Variants in CPE observed in about 807,000 individuals in gnomAD.
CPE encodes carboxypeptidase E, also known as carbocypeptidase E.
Under a neutral mutation model 53.5 loss-of-function variants are expected in CPE, and 17 were observed. The observed-to-expected ratio is 0.32, with a 90% confidence interval of 0.22 to 0.48. The LOEUF (loss-of-function observed/expected upper bound fraction) is 0.48, where lower values mean the gene tolerates loss of function less well. Ranked by LOEUF, CPE falls within the 20% of genes least tolerant of loss-of-function variation. The pLI, the probability that CPE is intolerant of heterozygous loss-of-function variation, is 0.99. For synonymous variants in CPE, 226 were observed against 228.8 expected, an observed-to-expected ratio of 0.99 and a Z score of 0.11; for missense variants, 524 against 614.7, an observed-to-expected ratio of 0.85 and a Z score of 1.56.
At chr4:165,487,704 A>C in intron 6 of CPE, 127 bp downstream of exon 6, 1 of 1,038,972 alleles carries the variant, frequency 9.6e-7, no homozygotes, top group South Asian at 1.6e-5. Flanking sequence ...TTTGGAAGGC[A>C]GGTGTCAGCA....
In CPE at chr4:165,392,348, TG is replaced by T. The variant is rs1339987988; in HGVS notation, c.307+12821del. ...ATATATGATATATGTATATGTAATA[TG>T]TAATATACATATATCATATATTTAC... On this transcript the variant is annotated intron_variant, in intron 1 of 8. Transcript: ENST00000402744. Among the ~76,000 whole-genome samples, 14 of 146,472 alleles carry T rather than the reference TG, an allele frequency of 9.6e-5. No homozygotes were observed. In the Admixed American group the frequency reaches 9.7e-4, roughly 10 times the overall value.
intron 1 of CPE, among the ~76,000 whole-genome samples, chr4:165,417,404 C>G (rs879395340): frequency 5.3e-5 from 8 of 152,162 alleles, no homozygotes; most frequent in Non-Finnish European, 1.2e-4. Context: ...GAGATTATCT[C>G]TTTTCATTCA....
At chr4:165,478,447 G>A (rs1436234213) in intron 3 of CPE, among the ~76,000 whole-genome samples, 1 of 152,186 alleles carries the variant, frequency 6.6e-6, no homozygotes, top group Non-Finnish European at 1.5e-5. Flanking sequence ...TATGATGTAA[G>A]AACTAGTAAT....
At chr4:165,397,709 C>A (rs1579242574) in intron 1 of CPE, among the ~76,000 whole-genome samples, 2 of 151,994 alleles carry the variant, frequency 1.3e-5, no homozygotes, top group African/African-American at 4.8e-5. Context: ...TTTTATAGGA[C>A]AAATAATCAT....
chr4:165,454,062 C>G (rs1166082685), intron 1 of CPE, among the ~76,000 whole-genome samples: 1 of 152,036 alleles, frequency 6.6e-6, no homozygotes, highest in Admixed American at 6.6e-5. Context: ...TGCCTATTTC[C>G]ATGGTGTAAA....
At chr4:165,478,481 C>T (rs1247461703) in intron 3 of CPE, among the ~76,000 whole-genome samples, 1 of 152,190 alleles carries the variant, frequency 6.6e-6, no homozygotes, top group Non-Finnish European at 1.5e-5. Flanking sequence ...TAGCTTCACA[C>T]AACTTTGTGT....
At chr4:165,417,096 C>T (rs1731137637) in intron 1 of CPE, among the ~76,000 whole-genome samples, 1 of 151,912 alleles carries the variant, frequency 6.6e-6, no homozygotes, top group African/African-American at 2.4e-5. Flanking sequence ...AAGAAAGAGC[C>T]ATTTTCTTAG....
rs949824849 is a variant in CPE, at chr4:165,392,497, T to A, written c.307+12969T>A. ...ACATATATCATATATTTACAATATA[T>A]GATATATTAAATATATAATATATGT... On this transcript the variant is annotated intron_variant, in intron 1 of 8. Transcript: ENST00000402744. 2.1e-5 allele frequency among the ~76,000 whole-genome samples: 3 copies of A among 145,402 alleles called. No individual in the cohort carries two copies. The East Asian group carries it at 5.9e-4, about 28-fold the overall frequency.
chr4:165,481,677 A>C (rs1236185039), intron 3 of CPE, among the ~76,000 whole-genome samples: 2 of 152,168 alleles, frequency 1.3e-5, no homozygotes. Flanking sequence ...TAAGATGACC[A>C]TTCCAAAGTA....
intron 1 of CPE, among the ~76,000 whole-genome samples, chr4:165,393,553 GC>G (rs1730717637): frequency 6.6e-6 from 1 of 152,142 alleles, no homozygotes; most frequent in Non-Finnish European, 1.5e-5. Flanking sequence ...TAAACAACCT[GC>G]CCAAGGTTTT....
chr4:165,448,143 T>A (rs1211657159), intron 1 of CPE, among the ~76,000 whole-genome samples: 1 of 152,196 alleles, frequency 6.6e-6, no homozygotes, highest in African/African-American at 2.4e-5. Flanking sequence ...CCCACTATTA[T>A]AAAGAATAAG....
intron 1 of CPE, among the ~76,000 whole-genome samples, chr4:165,382,826 T>C (rs531871918): frequency 5.3e-5 from 8 of 152,294 alleles, no homozygotes; most frequent in South Asian, 2.1e-4. Flanking sequence ...AAAATGACTT[T>C]CTTTGCAAGA....
At chr4:165,398,894 G>A (rs1730819350) in intron 1 of CPE, among the ~76,000 whole-genome samples, 1 of 152,090 alleles carries the variant, frequency 6.6e-6, no homozygotes, top group South Asian at 2.1e-4. Flanking sequence ...TATACACTGA[G>A]GTGTTAAAAA....
At position 165,484,495 on chromosome 4, in the gene CPE, C is replaced by A. The variant is rs759832878; in HGVS notation, c.864C>A (p.Phe288Leu). The change falls in exon 5 of 9, where the codon TTC (phenylalanine) becomes TTA (leucine). Residue 288 changes from phenylalanine (F) to leucine (L), a missense_variant. Coordinates refer to ENST00000402744, the MANE Select transcript of CPE (RefSeq NM_001873.4). The part of the protein sequence containing the change: ...FQSLARAYSS[F>L]NPAMSDPNRP... ...GCTTGGCCCGGGCATACTCTTCTTT[C>A]AACCCGGCCATGTCTGACCCCAATC... 2 of 1,614,010 alleles carry A rather than the reference C, an allele frequency of 1.2e-6. No homozygotes were observed. Among genetic ancestry groups the A allele is most frequent in the East Asian group, 4.5e-5 (2 of 44,888 alleles).
chr4:165,425,346 TTAC>T (rs1347261701), intron 1 of CPE, among the ~76,000 whole-genome samples: 2 of 149,614 alleles, frequency 1.3e-5, no homozygotes, highest in Non-Finnish European at 3.0e-5. Flanking sequence ...TTAAAAAAAA[TTAC>T]TATTTCTTCT....
chr4:165,477,976 T>C (rs1732333119), intron 3 of CPE, among the ~76,000 whole-genome samples: 1 of 152,172 alleles, frequency 6.6e-6, no homozygotes, highest in Admixed American at 6.5e-5. Context: ...GCTCTTGAGC[T>C]CTTCAGCCTG....
chr4:165,381,764 A>T lies in CPE; in HGVS notation c.307+2236A>T, dbSNP rs116864907. Among the ~76,000 whole-genome samples the T allele has an allele frequency of 5.1e-4, 78 of 152,372 alleles. 1 individual carries two copies. In the East Asian group the frequency reaches 9.8e-3, roughly 19 times the overall value. On this transcript the variant is annotated intron_variant, in intron 1 of 8. Coordinates refer to ENST00000402744, the MANE Select transcript of CPE (RefSeq NM_001873.4). ...GAGATCTGATCAGTATACAAGTTTGATGGTGCTTGTGTGAATTAACTTTAA... is the reference window on the plus strand; with the variant it reads ...GAGATCTGATCAGTATACAAGTTTGTTGGTGCTTGTGTGAATTAACTTTAA...
At chr4:165,472,784 C>CT (rs1478035620) in intron 3 of CPE, among the ~76,000 whole-genome samples, 2 of 152,126 alleles carry the variant, frequency 1.3e-5, no homozygotes, top group Non-Finnish European at 2.9e-5. Flanking sequence ...ATTTTTATGC[C>CT]TTTTTATATA....
In CPE at chr4:165,388,946, C is replaced by A. The variant is rs1278825894; in HGVS notation, c.307+9418C>A. Reference sequence around the variant, plus strand: ...CTCAGTAAATGTTAAGCCAGATTTTCAACATAACCAGCATCAGGGGAATTA... The same window carrying A: ...CTCAGTAAATGTTAAGCCAGATTTTAAACATAACCAGCATCAGGGGAATTA... On this transcript the variant is annotated intron_variant, in intron 1 of 8. Transcript: ENST00000402744. Among the ~76,000 whole-genome samples the A allele has an allele frequency of 9.9e-5, 15 of 152,246 alleles. 2 individuals carry two copies. The highest frequency in any genetic ancestry group is 3.3e-4 in the Admixed American group (5 of 15,284).
Sources: gnomAD v4.1 joint callset for allele counts (sites outside exome capture counted in the v4.1 genomes callset) on GRCh38, gnomAD v4.1.1 for gene constraint, MANE v1.5 for transcripts, NCBI Gene and HGNC (gene_info 2026-07-23, HGNC 2026-07-21) for gene names.